The following ADORA2B variants were observed in gnomAD, a reference collection of about 807,000 sequenced individuals.
ADORA2B encodes adenosine receptor A2b.
ADORA2B carries 18 observed loss-of-function variants against 20.8 expected under a neutral mutation model. The observed-to-expected ratio is 0.87, with a 90% confidence interval of 0.60 to 1.29. The LOEUF (loss-of-function observed/expected upper bound fraction) is 1.29, where lower values mean the gene tolerates loss of function less well. Ranked by LOEUF, ADORA2B falls within the 50% of genes most tolerant of loss-of-function variation. The pLI is 0.00. For synonymous variants in ADORA2B, 179 were observed against 178.3 expected, an observed-to-expected ratio of 1.00 and a Z score of -0.03; for missense variants, 441 against 422.7, an observed-to-expected ratio of 1.04 and a Z score of -0.38.
chr17:15,924,784 C>T, the ADORA2B span, among the ~76,000 whole-genome samples: 1 of 151,820 alleles, frequency 6.6e-6, no homozygotes, highest in Non-Finnish European at 1.5e-5. Context: ...TATCAAAAGA[C>T]AGCAGTCTCC....
the ADORA2B span, among the ~76,000 whole-genome samples, chr17:15,925,129 G>A: frequency 0.17 from 26,087 of 152,004 alleles, 2,317 homozygotes; most frequent in Non-Finnish European, 0.2. Context: ...TCCACCTCCC[G>A]GGTTCAGGTG....
At chr17:15,854,966 G>A in the ADORA2B span, among the ~76,000 whole-genome samples, 24 of 146,676 alleles carry the variant, frequency 1.6e-4, no homozygotes, top group African/African-American at 3.3e-4. Context: ...AGTTTTGCTC[G>A]TTGCCCTGGC....
At chr17:15,939,717 C>T in the ADORA2B span, among the ~76,000 whole-genome samples, 4 of 151,716 alleles carry the variant, frequency 2.6e-5, no homozygotes, top group Non-Finnish European at 5.9e-5. Flanking sequence ...AAAAATTAGC[C>T]GGGTGTGGTG....
At chr17:15,905,933 C>T in the ADORA2B span, among the ~76,000 whole-genome samples, 1 of 152,320 alleles carries the variant, frequency 6.6e-6, no homozygotes, top group Admixed American at 6.5e-5. Context: ...GGATTACAGG[C>T]GTGAGCCACT....
chr17:15,909,149 C>T, the ADORA2B span, among the ~76,000 whole-genome samples: 2 of 152,018 alleles, frequency 1.3e-5, no homozygotes, highest in Non-Finnish European at 2.9e-5. Flanking sequence ...GATCAAGCCA[C>T]TGCACTCCAG....
intron 1 of ADORA2B, among the ~76,000 whole-genome samples, chr17:15,969,110 C>T (rs1970155706): frequency 6.6e-6 from 1 of 152,176 alleles, no homozygotes; most frequent in Non-Finnish European, 1.5e-5. Flanking sequence ...CCCACATGCC[C>T]TGGACCCTGC....
the ADORA2B span, among the ~76,000 whole-genome samples, chr17:15,890,724 C>G: frequency 6.6e-6 from 1 of 152,174 alleles, no homozygotes; most frequent in Non-Finnish European, 1.5e-5. Context: ...CCTCCCAGTG[C>G]ACGGAGCTGG....
chr17:15,859,748 C>G, the ADORA2B span, among the ~76,000 whole-genome samples: 1 of 152,016 alleles, frequency 6.6e-6, no homozygotes, highest in Non-Finnish European at 1.5e-5. Context: ...GAGGTTAAGT[C>G]CAAATCCAGC....
At chr17:15,960,331 G>A (rs1360392906) in intron 1 of ADORA2B, among the ~76,000 whole-genome samples, 9 of 17,880 alleles carry the variant, frequency 5.0e-4, no homozygotes, top group South Asian at 6.0e-3. Flanking sequence ...GAGGCGGGCG[G>A]ATCACGAGGT....
At chr17:15,967,038 A>G (rs1372302534) in intron 1 of ADORA2B, among the ~76,000 whole-genome samples, 1 of 152,148 alleles carries the variant, frequency 6.6e-6, no homozygotes, top group Non-Finnish European at 1.5e-5. Flanking sequence ...TTCGGAGCAC[A>G]GGGAGGGAGG....
At chr17:15,867,650 G>A in the ADORA2B span, among the ~76,000 whole-genome samples, 32 of 150,236 alleles carry the variant, frequency 2.1e-4, no homozygotes, top group Admixed American at 1.8e-3. Context: ...CCAGCCAGCC[G>A]CCCCATCCGG....
At chr17:15,972,068 C>T (rs559813111) in intron 1 of ADORA2B, among the ~76,000 whole-genome samples, 88 of 152,216 alleles carry the variant, frequency 5.8e-4, no homozygotes, top group Non-Finnish European at 1.1e-3. Context: ...ATCAGATAAG[C>T]CAGCTCTATG....
At chr17:15,887,311 A>G in the ADORA2B span, among the ~76,000 whole-genome samples, 2 of 131,100 alleles carry the variant, frequency 1.5e-5, 1 homozygote, top group African/African-American at 6.4e-5. Context: ...CCGTCAGTGC[A>G]GATAGTGAGA....
the ADORA2B span, among the ~76,000 whole-genome samples, chr17:15,882,761 ACG>A: frequency 1.4e-4 from 18 of 129,630 alleles, no homozygotes; most frequent in African/African-American, 4.9e-4. Context: ...TATTGTCAGA[ACG>A]TGTCCTCCTT....
chr17:15,857,502 A>C, the ADORA2B span, among the ~76,000 whole-genome samples: 1 of 152,172 alleles, frequency 6.6e-6, no homozygotes, highest in Non-Finnish European at 1.5e-5. Flanking sequence ...CAGGCACTCA[A>C]CACCAGCCCG....
the ADORA2B span, among the ~76,000 whole-genome samples, chr17:15,912,129 C>T: frequency 2.6e-4 from 39 of 149,798 alleles, no homozygotes; most frequent in African/African-American, 7.9e-4. Flanking sequence ...CAGGGAGAAT[C>T]GCTTGAACCT....
chr17:15,900,812 C>T, the ADORA2B span, among the ~76,000 whole-genome samples: 9 of 152,268 alleles, frequency 5.9e-5, no homozygotes, highest in South Asian at 1.9e-3. Flanking sequence ...AAGTGAAGTT[C>T]TGCAGCGTTT....
chr17:15,923,206 A>ATTTTTTTTTTTTTTTTTTTTTTTTTTTTT, the ADORA2B span, among the ~76,000 whole-genome samples: 1 of 113,528 alleles, frequency 8.8e-6, no homozygotes, highest in Non-Finnish European at 1.8e-5. Flanking sequence ...TCTTTTTTTA[A>ATTTTTTTTTTTTTTTTTTTTTTTTTTTTT]TTTTTTTTTT....
chr17:15,948,725 C>T lies in ADORA2B; in HGVS notation c.335+3142C>T, dbSNP rs193101951. The stretch of plus-strand genomic sequence containing the variant: ...GGAGGGTTTAGTTGGCCGAATGGGT[C>T]CAGTGCCGTGTATCTGACCTGTCCC... On this transcript the variant is annotated intron_variant, in intron 1 of 1. Coordinates refer to ENST00000304222, the MANE Select transcript of ADORA2B (RefSeq NM_000676.4). Among the ~76,000 whole-genome samples the T allele has an allele frequency of 8.7e-3, 1,319 of 152,180 alleles. 23 individuals carry two copies. Among genetic ancestry groups the T allele is most frequent in the African/African-American group, 0.03 (1,234 of 41,496 alleles).
Sources: gnomAD v4.1 joint callset for allele counts (sites outside exome capture counted in the v4.1 genomes callset) on GRCh38, gnomAD v4.1.1 for gene constraint, MANE v1.5 for transcripts, NCBI Gene and HGNC (gene_info 2026-07-23, HGNC 2026-07-21) for gene names.